TEX26: variants seen among roughly 807,000 people sequenced by gnomAD.
The protein encoded by TEX26 is testis expressed 26.
TEX26 carries 34 observed loss-of-function variants against 35.3 expected under a neutral mutation model. That is an observed-to-expected ratio of 0.96 (90% CI 0.73 to 1.28). The LOEUF (loss-of-function observed/expected upper bound fraction) is 1.28, where lower values mean the gene tolerates loss of function less well. TEX26 is among the 50% of genes most tolerant of loss of function. The pLI, the probability that TEX26 is intolerant of heterozygous loss-of-function variation, is 0.00. For missense variants in TEX26, 371 were observed against 330.1 expected, an observed-to-expected ratio of 1.12 and a Z score of -0.96; for synonymous variants, 136 against 111.8, an observed-to-expected ratio of 1.22 and a Z score of -1.36.
intron 1 of TEX26, among the ~76,000 whole-genome samples, chr13:30,934,375 G>A (rs1291129518): frequency 6.6e-6 from 1 of 152,204 alleles, no homozygotes; most frequent in Non-Finnish European, 1.5e-5. Flanking sequence ...TGAGGTTGAT[G>A]GTGACTGATG....
intron 2 of TEX26, among the ~76,000 whole-genome samples, chr13:30,952,396 T>C (rs12864826): frequency 0.22 from 32,828 of 152,004 alleles, 3,703 homozygotes; most frequent in East Asian, 0.44. Context: ...AGTGTTCAGC[T>C]CTTTAAAAAA....
chr13:30,943,703 A>T (rs1080530), intron 2 of TEX26, among the ~76,000 whole-genome samples: 37,963 of 151,818 alleles, frequency 0.25, 4,899 homozygotes, highest in East Asian at 0.44. Context: ...GAATGCTTTT[A>T]CTGCATCTAT....
intron 2 of TEX26, among the ~76,000 whole-genome samples, chr13:30,951,876 G>T (rs1953934022): frequency 6.7e-6 from 1 of 149,268 alleles, no homozygotes; most frequent in African/African-American, 2.5e-5. Flanking sequence ...TCTAAAAAAG[G>T]TCCACACATT....
Position 30,960,833 on chromosome 13 carries a change from T to C in TEX26, c.469+3804T>C, listed in dbSNP as rs144002387. On this transcript the variant is annotated intron_variant, in intron 4 of 6. Coordinates refer to ENST00000380473, the MANE Select transcript of TEX26 (RefSeq NM_152325.3). ...TGCAAGGGAGCAGAGGCCGATTCAT[T>C]ATAAAGCTAATAAAACTCAAGTTTC... 3.9e-5 allele frequency among the ~76,000 whole-genome samples: 6 copies of C among 152,352 alleles called. 1 individual carries two copies. Among genetic ancestry groups the C allele is most frequent in the African/African-American group, 1.4e-4 (6 of 41,576 alleles).
intron 3 of TEX26, 52 bp downstream of exon 3, chr13:30,952,877 A>G (rs760167234): frequency 4.8e-6 from 7 of 1,461,078 alleles, no homozygotes; most frequent in Non-Finnish European, 5.6e-6. Context: ...TGTATCAACA[A>G]CTCATAAGAA....
intron 3 of TEX26, among the ~76,000 whole-genome samples, chr13:30,955,277 C>A (rs762575614): frequency 2.6e-5 from 4 of 152,214 alleles, no homozygotes; most frequent in Admixed American, 6.5e-5. Context: ...ACAGGTTGGA[C>A]AAGCTTGACT....
chr13:30,941,526 G>A (rs28408365), intron 2 of TEX26, among the ~76,000 whole-genome samples: 37,680 of 151,990 alleles, frequency 0.25, 4,801 homozygotes, highest in East Asian at 0.44. Context: ...TTGCGGTACA[G>A]GTGGTTTTTG....
intron 2 of TEX26, among the ~76,000 whole-genome samples, chr13:30,943,928 C>T (rs1442679201): frequency 6.6e-6 from 1 of 151,110 alleles, no homozygotes; most frequent in Non-Finnish European, 1.5e-5. Context: ...TTCTACAGAC[C>T]AGTATTCCTG....
At chr13:30,972,373 ACT>A (rs1954743165) in intron 6 of TEX26, among the ~76,000 whole-genome samples, 1 of 152,046 alleles carries the variant, frequency 6.6e-6, no homozygotes, top group African/African-American at 2.4e-5. Flanking sequence ...AATTTTACAC[ACT>A]CATCGTTTTT....
chr13:30,938,538 C>G (rs1304927939), intron 1 of TEX26, among the ~76,000 whole-genome samples: 1 of 152,128 alleles, frequency 6.6e-6, no homozygotes, highest in Non-Finnish European at 1.5e-5. Flanking sequence ...ATAAAGCCAC[C>G]AGTCCCATCA....
At chr13:30,933,909 T>A (rs1239184755) in intron 1 of TEX26, 4 of 152,234 alleles carry the variant, frequency 2.6e-5, no homozygotes, top group Non-Finnish European at 5.9e-5. Flanking sequence ...TGTGACCATA[T>A]CCTGCACAGG....
At chr13:30,952,264 G>A (rs189426650) in intron 2 of TEX26, among the ~76,000 whole-genome samples, 2 of 151,736 alleles carry the variant, frequency 1.3e-5, no homozygotes, top group Non-Finnish European at 2.9e-5. Flanking sequence ...TTCATTATGG[G>A]CTTGAAACTA....
intron 5 of TEX26, 59 bp from the exon 6 acceptor site, chr13:30,968,826 A>T: frequency 1.3e-6 from 2 of 1,546,496 alleles, no homozygotes; most frequent in East Asian, 4.5e-5. Flanking sequence ...CAATAAGGGC[A>T]AGACTGGTGT....
In TEX26 at chr13:30,969,064, T is replaced by C. The variant is rs1593611265; in HGVS notation, c.808+18T>C. 6.2e-7 allele frequency: 1 copy of C among 1,605,810 alleles called. No individual in the cohort carries two copies. The highest frequency in any genetic ancestry group is 2.2e-5 in the East Asian group (1 of 44,856). Reference sequence around the variant, plus strand: ...CTACAAAGGTAAGATGAGGTCTTATTTCACACACTTACAGATCACAATACA... The same window carrying C: ...CTACAAAGGTAAGATGAGGTCTTATCTCACACACTTACAGATCACAATACA... On this transcript the variant is annotated intron_variant, in intron 6 of 6. Coordinates refer to ENST00000380473, the MANE Select transcript of TEX26 (RefSeq NM_152325.3).
intron 4 of TEX26, among the ~76,000 whole-genome samples, chr13:30,962,415 T>C (rs919601980): frequency 6.6e-6 from 1 of 152,300 alleles, no homozygotes; most frequent in Middle Eastern, 3.4e-3. Flanking sequence ...GTGGCACACA[T>C]TGCTTCCTCC....
chr13:30,947,460 C>G (rs1953754282), intron 2 of TEX26, among the ~76,000 whole-genome samples: 3 of 151,950 alleles, frequency 2.0e-5, no homozygotes, highest in Non-Finnish European at 4.4e-5. Context: ...GAATTATGTC[C>G]CAGAAATCAC....
At chr13:30,968,314 G>C (rs1013811401) in intron 5 of TEX26, among the ~76,000 whole-genome samples, 14 of 152,144 alleles carry the variant, frequency 9.2e-5, no homozygotes, top group African/African-American at 2.4e-4. Context: ...GCAGCCCCCA[G>C]AGAGAATGAT....
At chr13:30,953,245 C>A (rs976154699) in intron 3 of TEX26, among the ~76,000 whole-genome samples, 1 of 152,072 alleles carries the variant, frequency 6.6e-6, no homozygotes, top group African/African-American at 2.4e-5. Flanking sequence ...CCGTGGATTA[C>A]CTTTTGTGGA....
rs753027072 is a variant in TEX26 at position 30,966,366 on chromosome 13, AC to A, written c.615del (p.Ser206GlnfsTer10). Reference sequence around the variant, plus strand: ...GATTTCAGTTTCAAATATGGATGCTACTCAAGCTTGCCTGTTGCTTCTCAGG... The same window carrying A: ...GATTTCAGTTTCAAATATGGATGCTATCAAGCTTGCCTGTTGCTTCTCAGG... ...LQDFSFKYGC[Y>X]SSLPVASQGL... On this transcript the variant is annotated frameshift_variant, in exon 5 of 7. Coordinates refer to ENST00000380473, the MANE Select transcript of TEX26 (RefSeq NM_152325.3). LOFTEE classifies it high-confidence loss of function. 1.2e-6 allele frequency: 2 copies of A among 1,612,930 alleles called. No individual in the cohort carries two copies. The highest frequency in any genetic ancestry group is 8.5e-7 in the Non-Finnish European group (1 of 1,179,814).
Sources: allele counts gnomAD v4.1 joint callset (sites outside exome capture counted in the v4.1 genomes callset), GRCh38; gene constraint gnomAD v4.1.1; transcripts MANE v1.5; gene names NCBI Gene and HGNC (gene_info 2026-07-23, HGNC 2026-07-21).